The following OSCP1 variants were observed in gnomAD, a reference collection of about 807,000 sequenced individuals.
The protein encoded by OSCP1 is protein OSCP1.
In OSCP1, 35 loss-of-function variants were observed where a neutral mutation model predicts 45.1. The ratio of observed to expected loss-of-function variants is 0.78; its 90% CI spans 0.59 to 1.03. OSCP1 has a LOEUF of 1.03. Among genes scored for constraint, OSCP1 ranks in the 50% least tolerant of loss-of-function variants. The pLI is 0.00. For missense variants in OSCP1, 400 were observed against 470.7 expected (o/e 0.85, Z 1.39); for synonymous variants, 179 against 180.1 (o/e 0.99, Z 0.05).
rs1341955121 is a variant in OSCP1, at chr1:36,418,231, C to A, written c.1048G>T (p.Ala350Ser). The change falls in exon 10 of 10, where the codon GCT becomes TCT. Residue 350 changes from alanine to serine, a missense_variant. By Grantham distance (99) the Ala-to-Ser change is moderately conservative (BLOSUM62 1). Coordinates refer to ENST00000235532, the MANE Select transcript of OSCP1 (RefSeq NM_145047.5). Reference protein sequence around the residue: ...TQDQQRSEELARIMGEFEITE... With the variant: ...TQDQQRSEELSRIMGEFEITE... ...ATCTCAAACTCCCCCATGATTCGAGCCAGCTCCTCGCTCCGTTGCTGGTCC... is the reference window on the plus strand; with the variant it reads ...ATCTCAAACTCCCCCATGATTCGAGACAGCTCCTCGCTCCGTTGCTGGTCC... 1.2e-6 allele frequency: 2 copies of A among 1,614,174 alleles called. No homozygotes were observed. Among genetic ancestry groups the A allele is most frequent in the Admixed American group, 1.7e-5 (1 of 60,014 alleles).
intron 6 of OSCP1, among the ~76,000 whole-genome samples, chr1:36,422,453 C>T (rs1248775795): frequency 6.6e-6 from 1 of 152,174 alleles, no homozygotes; most frequent in African/African-American, 2.4e-5. Context: ...GAGTAACACG[C>T]ATCACTGAAA....
chr1:36,438,809 C>G lies in OSCP1; in HGVS notation c.214G>C (p.Glu72Gln). ...ATAATGGAGGCATGAGCCAGGCGCT[C>G]ATAGACAGTCCTCAGGGCCTTCTTG... The part of the protein sequence containing the change: ...YSKKALRTVY[E>Q]RLAHASIMKL... The change falls in exon 2 of 10, where the codon GAG becomes CAG. Residue 72 changes from glutamate to glutamine, a missense_variant. Physicochemically the swap from Glu to Gln is conservative, Grantham distance 29. Transcript: ENST00000235532. 6.2e-7 allele frequency: 1 copy of G among 1,614,186 alleles called. No individual in the cohort carries two copies. Among genetic ancestry groups the G allele is most frequent in the South Asian group, 1.1e-5 (1 of 91,070 alleles).
Position 36,435,336 on chromosome 1 carries a change from G to A in OSCP1, c.268-2747C>T, listed in dbSNP as rs554585122. On this transcript the variant is annotated intron_variant, in intron 2 of 9. Coordinates refer to ENST00000235532, the MANE Select transcript of OSCP1 (RefSeq NM_145047.5). ...TAATATGTTAAAAAATATTAGAGAC[G>A]GGTTTTTGCTATGTTGCCCAGGCTG... Among the ~76,000 whole-genome samples, 9 of 151,762 alleles carry A rather than the reference G, an allele frequency of 5.9e-5. No individual in the cohort carries two copies. In the East Asian group the frequency reaches 1.2e-3, roughly 20 times the overall value.
rs67376533 is a variant in OSCP1, at chr1:36,449,835, C to CAAAAAAAA, written c.112+415_112+422dup. 4.2e-3 allele frequency among the ~76,000 whole-genome samples: 86 copies of CAAAAAAAA among 20,344 alleles called. 15 individuals carry two copies. The highest frequency in any genetic ancestry group is 7.4e-3 in the African/African-American group (34 of 4,602). 13.3% of individuals were successfully genotyped at this position (20,344 alleles called of 152,430 possible). A position where few individuals can be genotyped will look rare whatever the true frequency, so the allele number is the denominator to read the frequency against. ...TGGGCGACAGAGCGAGACCCTGTCT[C>CAAAAAAAA]AAAAAAAAAAAAAAAAAAAAAAAAA... On this transcript the variant is annotated intron_variant, in intron 1 of 9. Coordinates refer to ENST00000235532, the MANE Select transcript of OSCP1 (RefSeq NM_145047.5).
intron 3 of OSCP1, 84 bp from the exon 4 acceptor site, chr1:36,431,966 G>T: frequency 7.9e-7 from 1 of 1,264,332 alleles, no homozygotes; most frequent in Middle Eastern, 2.0e-4. Flanking sequence ...GGTACTCAGG[G>T]ATGGGAGCCA....
chr1:36,423,606 G>A, intron 4 of OSCP1, 140 bp from the exon 5 acceptor site: 1 of 597,624 alleles, frequency 1.7e-6, no homozygotes, highest in Non-Finnish European at 2.9e-6. Context: ...TGGGCGCAGT[G>A]GATCATGCCT....
chr1:36,421,285 C>T (rs1355483258), intron 7 of OSCP1, among the ~76,000 whole-genome samples: 1 of 152,178 alleles, frequency 6.6e-6, no homozygotes, highest in African/African-American at 2.4e-5. Context: ...CTCCATGATA[C>T]TGTGATCCGT....
chr1:36,417,940 A>G lies in OSCP1; in HGVS notation c.*199T>C, dbSNP rs1647372018. The G allele has an allele frequency of 4.2e-6, 2 of 474,566 alleles. No homozygotes were observed. Among genetic ancestry groups the G allele is most frequent in the East Asian group, 6.9e-5 (2 of 29,004 alleles). 29.4% of individuals were successfully genotyped at this position (474,566 alleles called of 1,614,324 possible). Reference sequence around the variant, plus strand: ...AAAGTCAGAATATATTTCACTGAAAATATGTGTATGTGTGTGCCTTCAAGA... The same window carrying G: ...AAAGTCAGAATATATTTCACTGAAAGTATGTGTATGTGTGTGCCTTCAAGA... On this transcript the variant is annotated 3_prime_UTR_variant, in exon 10 of 10. Transcript: ENST00000235532.
At position 36,450,359 on chromosome 1, in the gene OSCP1, C is replaced by A. The variant is rs1429742436; in HGVS notation, c.11G>T (p.Arg4Leu). 1 of 1,613,704 alleles carries A rather than the reference C, an allele frequency of 6.2e-7. No individual in the cohort carries two copies. Among genetic ancestry groups the A allele is most frequent in the Non-Finnish European group, 8.5e-7 (1 of 1,179,724 alleles). The change falls in exon 1 of 10, where the codon CGG becomes CTG. Residue 4 changes from arginine to leucine, a missense_variant. Coordinates refer to ENST00000235532, the MANE Select transcript of OSCP1 (RefSeq NM_145047.5). ...GTTCAAGAAGAGCAGCGGTAGCGTC[C>A]GCACCGACATGGTGCTGGAAACGAG... MSV[R>L]TLPLLFLNLG...
chr1:36,420,393 C>T, intron 8 of OSCP1, 83 bp downstream of exon 8: 1 of 1,438,494 alleles, frequency 7.0e-7, no homozygotes, highest in African/African-American at 1.4e-5. Context: ...TTTATAAGTG[C>T]CACTGGTTTG....
chr1:36,444,773 T>G (rs1306111011), intron 1 of OSCP1, among the ~76,000 whole-genome samples: 1 of 152,194 alleles, frequency 6.6e-6, no homozygotes, highest in Admixed American at 6.5e-5. Flanking sequence ...CTGGCTCTAC[T>G]TACTGGCTAT....
chr1:36,445,124 C>T (rs1308147315), intron 1 of OSCP1, among the ~76,000 whole-genome samples: 6 of 152,132 alleles, frequency 3.9e-5, no homozygotes, highest in Non-Finnish European at 7.4e-5. Context: ...CCAAGATGGG[C>T]GGATCACCTG....
rs562844331 is a variant in OSCP1 at position 36,447,341 on chromosome 1, G to T, written c.112+2917C>A. 2.0e-5 allele frequency among the ~76,000 whole-genome samples: 3 copies of T among 152,194 alleles called. No homozygotes were observed. Among genetic ancestry groups the T allele is most frequent in the East Asian group, 1.9e-4 (1 of 5,182 alleles). On this transcript the variant is annotated intron_variant, in intron 1 of 9. Coordinates refer to ENST00000235532, the MANE Select transcript of OSCP1 (RefSeq NM_145047.5). The surrounding 1 kb of genome is among the most constrained non-coding windows in gnomAD (Gnocchi z 4.1). ...TGTCATTTATTTGATAAAATCAGTG[G>T]GTATATTGGATATATATTTTTCAGA... is the stretch of plus-strand genomic sequence containing the variant.
chr1:36,430,811 T>C (rs1370759912), intron 4 of OSCP1, among the ~76,000 whole-genome samples: 4 of 152,116 alleles, frequency 2.6e-5, no homozygotes, highest in Admixed American at 6.5e-5. Flanking sequence ...CTTGCCACCA[T>C]GCCCGGCTCA....
In OSCP1 at chr1:36,418,040, G is replaced by A. The variant is rs1192887745; in HGVS notation, c.*99C>T. On this transcript the variant is annotated 3_prime_UTR_variant, in exon 10 of 10. Coordinates refer to ENST00000235532, the MANE Select transcript of OSCP1 (RefSeq NM_145047.5). ...GAAATAGACGTAATGGCTTCACTCA[G>A]TAGAAAACTAGCAGCATCATTCTGG... is the stretch of plus-strand genomic sequence containing the variant. 9 of 896,270 alleles carry A rather than the reference G, an allele frequency of 1.0e-5. No individual in the cohort carries two copies. In the East Asian group the frequency reaches 2.0e-4, roughly 20 times the overall value. The allele number at this position is 896,270 out of a possible 1,614,324, so 55.5% of individuals were successfully genotyped here. A position where few individuals can be genotyped will look rare whatever the true frequency, so the allele number is the denominator to read the frequency against.
chr1:36,425,942 G>T (rs1248824575), intron 4 of OSCP1, among the ~76,000 whole-genome samples: 1 of 152,152 alleles, frequency 6.6e-6, no homozygotes, highest in Non-Finnish European at 1.5e-5. Context: ...CTGGGGGGAG[G>T]CAGGCGTGAC....
At chr1:36,440,209 GA>G (rs1244298198) in intron 1 of OSCP1, among the ~76,000 whole-genome samples, 1 of 152,208 alleles carries the variant, frequency 6.6e-6, no homozygotes, top group African/African-American at 2.4e-5. Context: ...GTAGAGCAGT[GA>G]AGTGATTATT....
intron 2 of OSCP1, among the ~76,000 whole-genome samples, chr1:36,437,140 C>CT (rs1445021547): frequency 6.6e-6 from 1 of 152,156 alleles, no homozygotes; most frequent in African/African-American, 2.4e-5. Flanking sequence ...ATACTGTACT[C>CT]TTTAAAGTGC....
intron 7 of OSCP1, 105 bp from the exon 8 acceptor site, chr1:36,420,720 C>A: frequency 7.1e-7 from 1 of 1,400,316 alleles, no homozygotes; most frequent in Non-Finnish European, 9.6e-7. Flanking sequence ...AGAACAATTG[C>A]TATTTAAATT....
Sources: gnomAD v4.1 joint callset for allele counts (sites outside exome capture counted in the v4.1 genomes callset) on GRCh38, gnomAD v4.1.1 for gene constraint, Gnocchi (gnomAD v3.1) non-coding constraint, MANE v1.5 for transcripts, NCBI Gene and HGNC (gene_info 2026-07-23, HGNC 2026-07-21) for gene names.